MAGI3: variants seen among roughly 807,000 people sequenced by gnomAD.
MAGI3 encodes membrane-associated guanylate kinase, WW and PDZ domain-containing protein 3.
In MAGI3, 43 loss-of-function variants were observed where a neutral mutation model predicts 121.8. The ratio of observed to expected loss-of-function variants is 0.35; its 90% confidence interval spans 0.28 to 0.46. The LOEUF is 0.46. Among genes scored for constraint, MAGI3 ranks in the 20% least tolerant of loss-of-function variants. The probability of loss-of-function intolerance (pLI) is 1.00; values close to 1 mark genes in which losing one functional copy is unlikely to be tolerated. For missense variants in MAGI3, 1,547 were observed against 1,797.3 expected (o/e 0.86, Z 2.52); for synonymous variants, 553 against 639.3 (o/e 0.86, Z 2.04).
chr1:113,598,517 A>G (rs1649163321), intron 6 of MAGI3, among the ~76,000 whole-genome samples: 1 of 152,176 alleles, frequency 6.6e-6, no homozygotes. Flanking sequence ...ACTCAAAGTG[A>G]GCAGGAGTAG....
chr1:113,483,040 C>A (rs1291166873), intron 1 of MAGI3, among the ~76,000 whole-genome samples: 1 of 152,120 alleles, frequency 6.6e-6, no homozygotes, highest in Non-Finnish European at 1.5e-5. Flanking sequence ...AACTTCTGAG[C>A]TCAAGAGATC....
intron 16 of MAGI3, among the ~76,000 whole-genome samples, chr1:113,667,605 A>G (rs189902976): frequency 9.2e-5 from 14 of 152,292 alleles, no homozygotes; most frequent in African/African-American, 3.4e-4. Context: ...CTTGTCACTC[A>G]TTTGTTCACT....
chr1:113,489,170 C>CA lies in MAGI3; in HGVS notation c.317-60345_317-60344insA, dbSNP rs889962339. On this transcript the variant is annotated intron_variant, in intron 1 of 20. Transcript: ENST00000307546. ...ACCAGCGGTCTGGGAACACCTTAGG[C>CA]CCCCCCCGACCCCAGCACAGTGGAT... Among the ~76,000 whole-genome samples, 20 of 105,680 alleles carry CA rather than the reference C, an allele frequency of 1.9e-4. 1 individual carries two copies. Among genetic ancestry groups the CA allele is most frequent in the Middle Eastern group, 9.6e-3 (2 of 208 alleles). The allele number at this position is 105,680 out of a possible 152,430, so 69.3% of individuals were successfully genotyped here. A position where few individuals can be genotyped will look rare whatever the true frequency, so the allele number is the denominator to read the frequency against.
At chr1:113,416,409 A>AT (rs1262627664) in intron 1 of MAGI3, among the ~76,000 whole-genome samples, 2,089 of 96,020 alleles carry the variant, frequency 0.022, 94 homozygotes, top group African/African-American at 0.068. Flanking sequence ...TAATTAATTA[A>AT]TAATTAATAA....
intron 7 of MAGI3, among the ~76,000 whole-genome samples, chr1:113,616,225 G>A (rs1217966683): frequency 6.6e-6 from 1 of 152,188 alleles, no homozygotes; most frequent in Non-Finnish European, 1.5e-5. Flanking sequence ...TGAATTAGAA[G>A]CAACAGCAGC....
At chr1:113,476,901 G>T (rs887462460) in intron 1 of MAGI3, among the ~76,000 whole-genome samples, 4 of 152,178 alleles carry the variant, frequency 2.6e-5, no homozygotes, top group African/African-American at 9.7e-5. Flanking sequence ...ATGAATCTGG[G>T]TTCTCCTGGA....
chr1:113,569,666 G>C (rs1418982757), intron 2 of MAGI3, among the ~76,000 whole-genome samples: 1 of 152,052 alleles, frequency 6.6e-6, no homozygotes, highest in African/African-American at 2.4e-5. Context: ...ATGGATCACA[G>C]TACTTCATCA....
intron 3 of MAGI3, among the ~76,000 whole-genome samples, chr1:113,583,684 C>T (rs1009750633): frequency 2.0e-5 from 3 of 152,010 alleles, no homozygotes; most frequent in Non-Finnish European, 4.4e-5. Context: ...ATTTCTGTGC[C>T]GGCTGCCCCA....
intron 1 of MAGI3, among the ~76,000 whole-genome samples, chr1:113,412,611 C>T (rs2101340132): frequency 6.6e-6 from 1 of 152,268 alleles, no homozygotes; most frequent in East Asian, 1.9e-4. Flanking sequence ...ATTTGCATTT[C>T]TCTGATGACC....
At position 113,435,687 on chromosome 1, in the gene MAGI3, C is replaced by T. The variant is rs77761870; in HGVS notation, c.316+44338C>T. On this transcript the variant is annotated intron_variant, in intron 1 of 20. Coordinates refer to ENST00000307546, the MANE Select transcript of MAGI3 (RefSeq NM_001142782.2). ...TATTATGAAGAGGAATTCAACACAG[C>T]TGATATGTGGAGGGATGTCTTTAAT... Among the ~76,000 whole-genome samples the T allele has an allele frequency of 1.1e-4, 16 of 152,152 alleles. No individual in the cohort carries two copies. In the East Asian group the frequency reaches 3.1e-3, roughly 29 times the overall value.
intron 20 of MAGI3, chr1:113,682,692 AAAC>A (rs1217392444): frequency 2.0e-6 from 2 of 979,048 alleles, no homozygotes; most frequent in East Asian, 1.1e-4. Flanking sequence ...TTGTGTATAT[AAAC>A]AACCCATCCT....
At chr1:113,578,811 G>A (rs1167534039) in intron 2 of MAGI3, among the ~76,000 whole-genome samples, 1 of 152,002 alleles carries the variant, frequency 6.6e-6, no homozygotes, top group Non-Finnish European at 1.5e-5. Context: ...CCTCTATGAT[G>A]TAAAACAGGT....
intron 1 of MAGI3, among the ~76,000 whole-genome samples, chr1:113,542,758 C>A (rs183870746): frequency 6.6e-6 from 1 of 152,142 alleles, no homozygotes; most frequent in African/African-American, 2.4e-5. Flanking sequence ...CAGGTACATA[C>A]GCGTGTGCAC....
chr1:113,484,673 T>C (rs186165965), intron 1 of MAGI3, among the ~76,000 whole-genome samples: 19 of 3,490 alleles, frequency 5.4e-3, no homozygotes, highest in African/African-American at 9.3e-3. Context: ...CTCCCCTCCC[T>C]TCCCATCCCC....
At chr1:113,580,240 T>A (rs1557834075) in intron 2 of MAGI3, among the ~76,000 whole-genome samples, 1 of 152,176 alleles carries the variant, frequency 6.6e-6, no homozygotes, top group Non-Finnish European at 1.5e-5. Flanking sequence ...TAAAAAATAT[T>A]ATTTTTTGTC....
At chr1:113,621,506 T>C (rs957633799) in intron 8 of MAGI3, among the ~76,000 whole-genome samples, 5 of 152,132 alleles carry the variant, frequency 3.3e-5, no homozygotes, top group Non-Finnish European at 5.9e-5. Flanking sequence ...AATTACCATA[T>C]ATTTATAGTA....
At chr1:113,528,675 C>T (rs74111296) in intron 1 of MAGI3, among the ~76,000 whole-genome samples, 9,277 of 152,092 alleles carry the variant, frequency 0.061, 897 homozygotes, top group African/African-American at 0.2. Flanking sequence ...GTTGCTAATT[C>T]TATCGTTCCT....
chr1:113,490,494 G>C (rs1285951368), intron 1 of MAGI3, among the ~76,000 whole-genome samples: 1 of 151,918 alleles, frequency 6.6e-6, no homozygotes, highest in Non-Finnish European at 1.5e-5. Flanking sequence ...AAAATAACCA[G>C]GGTCTGTGAC....
At chr1:113,398,654 T>A (rs1651243626) in intron 1 of MAGI3, among the ~76,000 whole-genome samples, 1 of 152,140 alleles carries the variant, frequency 6.6e-6, no homozygotes, top group South Asian at 2.1e-4. Context: ...CTATACATAA[T>A]GGCATTTAAC....
Sources: allele counts gnomAD v4.1 joint callset (sites outside exome capture counted in the v4.1 genomes callset), GRCh38; gene constraint gnomAD v4.1.1; transcripts MANE v1.5; gene names NCBI Gene and HGNC (gene_info 2026-07-23, HGNC 2026-07-21).